Variants in CTNNA3 observed in about 807,000 individuals in gnomAD.
CTNNA3 encodes catenin alpha-3.
CTNNA3 carries 76 observed loss-of-function variants against 95.7 expected under a neutral mutation model. That is an observed-to-expected ratio of 0.79 (90% CI 0.66 to 0.96). The LOEUF (loss-of-function observed/expected upper bound fraction) is 0.96. CTNNA3 is among the 40% of genes least tolerant of loss of function. The probability of loss-of-function intolerance (pLI) is 0.00; values close to 1 mark genes in which losing one functional copy is unlikely to be tolerated. For missense variants in CTNNA3, 1,191 were observed against 1,089.8 expected (o/e 1.09, Z -1.31); for synonymous variants, 431 against 374.4 (o/e 1.15, Z -1.74).
At chr10:67,758,327 C>CAT (rs757658020) in intron 1 of CTNNA3, among the ~76,000 whole-genome samples, 3 of 111,184 alleles carry the variant, frequency 2.7e-5, no homozygotes, top group Admixed American at 2.7e-4. Context: ...TATATATACA[C>CAT]ACACACACAC....
At chr10:66,773,628 C>T (rs1374980730) in intron 8 of CTNNA3, among the ~76,000 whole-genome samples, 1 of 152,166 alleles carries the variant, frequency 6.6e-6, no homozygotes, top group Non-Finnish European at 1.5e-5. Context: ...CCCAGCCAAC[C>T]CAAGACATCG....
At chr10:66,842,877 C>A (rs1285233395) in intron 7 of CTNNA3, among the ~76,000 whole-genome samples, 1 of 152,008 alleles carries the variant, frequency 6.6e-6, no homozygotes, top group Non-Finnish European at 1.5e-5. Context: ...GCACTGCCTG[C>A]CCTAAGAGAT....
chr10:66,440,476 A>G (rs1240919888), intron 11 of CTNNA3, among the ~76,000 whole-genome samples: 1 of 151,984 alleles, frequency 6.6e-6, no homozygotes, highest in Non-Finnish European at 1.5e-5. Context: ...TGTTTATGTT[A>G]TCTTCTTCAT....
At chr10:66,732,593 G>A (rs1848997083) in intron 9 of CTNNA3, among the ~76,000 whole-genome samples, 2 of 152,068 alleles carry the variant, frequency 1.3e-5, no homozygotes, top group Admixed American at 6.6e-5. Flanking sequence ...AGCAAAGAGG[G>A]AAAAGCTCTT....
intron 12 of CTNNA3, among the ~76,000 whole-genome samples, chr10:66,353,803 C>A (rs925282002): frequency 1.3e-5 from 2 of 151,422 alleles, no homozygotes; most frequent in African/African-American, 2.4e-5. Flanking sequence ...GGAAAGGGAT[C>A]GCTGAGATAA....
At chr10:67,370,935 C>T (rs1265984277) in intron 5 of CTNNA3, among the ~76,000 whole-genome samples, 4 of 146,576 alleles carry the variant, frequency 2.7e-5, no homozygotes, top group Non-Finnish European at 1.5e-5. Context: ...GGCGGGATCT[C>T]GGCTCACTGC....
chr10:67,231,795 C>T (rs1398936095), intron 5 of CTNNA3, among the ~76,000 whole-genome samples: 2 of 152,068 alleles, frequency 1.3e-5, no homozygotes, highest in African/African-American at 4.8e-5. Context: ...ACCACAAGAA[C>T]CAATACAGAG....
intron 7 of CTNNA3, among the ~76,000 whole-genome samples, chr10:66,880,882 G>C (rs937059652): frequency 7.2e-5 from 11 of 152,036 alleles, no homozygotes; most frequent in African/African-American, 2.7e-4. Flanking sequence ...ACAACTCTTA[G>C]GAAGTTCTTT....
Position 66,338,485 on chromosome 10 carries a change from C to T in CTNNA3, c.1732+40667G>A, listed in dbSNP as rs755594940. 1.9e-4 allele frequency among the ~76,000 whole-genome samples: 29 copies of T among 151,994 alleles called. 1 individual carries two copies. Among genetic ancestry groups the T allele is most frequent in the Non-Finnish European group, 3.8e-4 (26 of 67,866 alleles). On this transcript the variant is annotated intron_variant, in intron 12 of 17. Transcript: ENST00000433211. ...AAGTGCTTAGGCCATTTGGAAAGATCTCTTTTTAACAGTTACTGAAGGAAC... is the reference window on the plus strand; with the variant it reads ...AAGTGCTTAGGCCATTTGGAAAGATTTCTTTTTAACAGTTACTGAAGGAAC...
At chr10:66,531,573 A>G (rs1841467022) in intron 10 of CTNNA3, among the ~76,000 whole-genome samples, 1 of 152,188 alleles carries the variant, frequency 6.6e-6, no homozygotes. Flanking sequence ...ATTTGAAAAT[A>G]AAATACAAGA....
At chr10:66,936,537 A>G (rs1264338270) in intron 7 of CTNNA3, among the ~76,000 whole-genome samples, 1 of 151,860 alleles carries the variant, frequency 6.6e-6, no homozygotes, top group African/African-American at 2.4e-5. Flanking sequence ...TAATTCTTTG[A>G]GTGCACTGCC....
At chr10:66,713,813 T>G (rs1428093525) in intron 9 of CTNNA3, among the ~76,000 whole-genome samples, 1 of 152,136 alleles carries the variant, frequency 6.6e-6, no homozygotes, top group African/African-American at 2.4e-5. Context: ...GGCTTATAAC[T>G]TTCATATATT....
intron 16 of CTNNA3, among the ~76,000 whole-genome samples, chr10:65,971,379 G>GTTTT (rs57963750): frequency 0.025 from 3,491 of 139,994 alleles, 158 homozygotes; most frequent in African/African-American, 0.086. Flanking sequence ...CCAAAGTTGT[G>GTTTT]TTTTTTTTTT....
intron 5 of CTNNA3, among the ~76,000 whole-genome samples, chr10:67,388,897 G>A (rs549722304): frequency 3.3e-5 from 5 of 152,082 alleles, no homozygotes; most frequent in African/African-American, 4.8e-5. Flanking sequence ...CCTTACAAGA[G>A]CTCCTGAAGG....
chr10:67,186,027 C>CAA (rs201984879), intron 6 of CTNNA3, among the ~76,000 whole-genome samples: 48 of 97,432 alleles, frequency 4.9e-4, no homozygotes, highest in East Asian at 1.4e-3. Context: ...CTCCGTCTCA[C>CAA]AAAAAAAAAA....
chr10:67,632,323 A>AC (rs1484959326), intron 2 of CTNNA3, among the ~76,000 whole-genome samples: 5 of 151,508 alleles, frequency 3.3e-5, no homozygotes, highest in African/African-American at 2.4e-5. Flanking sequence ...AAAAAAAAAA[A>AC]ACACTCCTTC....
chr10:67,661,739 T>G (rs983679647), intron 1 of CTNNA3, among the ~76,000 whole-genome samples: 4 of 151,968 alleles, frequency 2.6e-5, no homozygotes, highest in Admixed American at 6.5e-5. Context: ...TGAAAAGACA[T>G]CTTACCAAAG....
Position 67,230,319 on chromosome 10 carries a change from A to T in CTNNA3, c.580-10449T>A, listed in dbSNP as rs928533630. On this transcript the variant is annotated intron_variant, in intron 5 of 17. Transcript: ENST00000433211. ...CATCTCTCACCTTATACAAAAATCAACTCAAGATGGATTAAGGACTTAAAT... is the reference window on the plus strand; with the variant it reads ...CATCTCTCACCTTATACAAAAATCATCTCAAGATGGATTAAGGACTTAAAT... 9.2e-5 allele frequency among the ~76,000 whole-genome samples: 14 copies of T among 152,298 alleles called. No homozygotes were observed. The East Asian group carries it at 2.5e-3, about 27-fold the overall frequency.
chr10:66,283,230 A>G (rs2091525629), intron 12 of CTNNA3, among the ~76,000 whole-genome samples: 1 of 151,782 alleles, frequency 6.6e-6, no homozygotes, highest in East Asian at 1.9e-4. Flanking sequence ...TGCTCTATTC[A>G]CTCCAAAGAC....
Sources: gnomAD v4.1 joint callset for allele counts (sites outside exome capture counted in the v4.1 genomes callset) on GRCh38, gnomAD v4.1.1 for gene constraint, MANE v1.5 for transcripts, NCBI Gene and HGNC (gene_info 2026-07-23, HGNC 2026-07-21) for gene names.